The following EP400 variants were observed in gnomAD, a reference collection of about 807,000 sequenced individuals.
EP400 encodes E1A-binding protein p400.
A neutral mutation model predicts 354.1 loss-of-function variants in EP400; 105 were observed. The observed-to-expected ratio is 0.30, with a 90% CI of 0.25 to 0.35. The LOEUF (loss-of-function observed/expected upper bound fraction) is 0.35. Ranked by LOEUF, EP400 falls within the 10% of genes least tolerant of loss-of-function variation. The probability of loss-of-function intolerance (pLI) is 1.00; values close to 1 mark genes in which losing one functional copy is unlikely to be tolerated. For synonymous variants in EP400, 1,646 were observed against 1,716.9 expected (o/e 0.96, Z 1.02); for missense variants, 3,280 against 4,121.0 (o/e 0.80, Z 5.59).
chr12:132,063,777 T>C (rs1895788576), intron 47 of EP400, among the ~76,000 whole-genome samples: 1 of 152,114 alleles, frequency 6.6e-6, no homozygotes, highest in Non-Finnish European at 1.5e-5. Context: ...ATCCTGTTCC[T>C]GTCACACCAG....
Position 132,017,805 on chromosome 12 carries a change from T to A in EP400, c.4110+84T>A. 2.2e-6 allele frequency: 3 copies of A among 1,391,620 alleles called. No homozygotes were observed. The South Asian group carries it at 4.6e-5, about 21-fold the overall frequency. The allele number at this position is 1,391,620 out of a possible 1,614,324, so 86.2% of individuals were successfully genotyped here. On this transcript the variant is annotated intron_variant, in intron 20 of 52. Transcript: ENST00000389561. The surrounding 1 kb of genome is among the most constrained non-coding windows in gnomAD (Gnocchi z 5.0). The stretch of plus-strand genomic sequence containing the variant: ...AGATAAAACCATTCTTGGAAATGGG[T>A]TCTCAACCAGCTCTTCTGCAATTGC...
chr12:131,974,103 C>G (rs908344143), intron 2 of EP400, among the ~76,000 whole-genome samples: 6 of 151,766 alleles, frequency 4.0e-5, no homozygotes, highest in Middle Eastern at 3.2e-3. Context: ...CTCAGCCTCC[C>G]GAGTAGCTGG....
At chr12:132,005,990 T>A in intron 13 of EP400, 122 bp from the exon 14 acceptor site, 2 of 893,964 alleles carry the variant, frequency 2.2e-6, no homozygotes, top group Non-Finnish European at 3.3e-6. Context: ...AATAAAAAAT[T>A]ATTGCCTAAT....
chr12:132,042,740 T>C (rs1174955779), intron 32 of EP400, among the ~76,000 whole-genome samples: 1 of 152,238 alleles, frequency 6.6e-6, no homozygotes, highest in Non-Finnish European at 1.5e-5. Flanking sequence ...CCTAGCTGTT[T>C]CAGCAGATGA....
At position 132,064,747 on chromosome 12, in the gene EP400, C is replaced by T. The variant is rs200626129; in HGVS notation, c.8414C>T (p.Pro2805Leu). The T allele has an allele frequency of 1.7e-5, 27 of 1,613,748 alleles. No individual in the cohort carries two copies. The highest frequency in any genetic ancestry group is 4.0e-5 in the African/African-American group (3 of 74,964). The change falls in exon 48 of 53, where the codon CCG (proline) becomes CTG (leucine). Residue 2805 changes from proline to leucine, a missense_variant. Physicochemically the swap from Pro to Leu is moderately conservative, Grantham distance 98. Transcript: ENST00000389561. ...CCGCCACAGGCCCAGTCTGCGCCCC[C>T]GCAGCCAACAGCCCAAGTGCAAGTG... ...PPPPQAQSAP[P>L]QPTAQVQVQT...
intron 39 of EP400, among the ~76,000 whole-genome samples, chr12:132,047,970 G>A (rs10902487): frequency 2.6e-5 from 4 of 152,136 alleles, no homozygotes; most frequent in East Asian, 3.9e-4. Flanking sequence ...AATATTTCTC[G>A]CATTTGCTTT....
intron 30 of EP400, among the ~76,000 whole-genome samples, chr12:132,033,128 A>G (rs1894580566): frequency 6.7e-6 from 1 of 150,086 alleles, no homozygotes; most frequent in Non-Finnish European, 1.5e-5. Flanking sequence ...TTGTATTTTT[A>G]GTAGAAACGG....
chr12:132,043,212 C>T (rs1894973664), intron 32 of EP400, 92 bp from the exon 33 acceptor site: 31 of 1,326,822 alleles, frequency 2.3e-5, no homozygotes, highest in Non-Finnish European at 3.1e-5. Context: ...ATAGTGGAGG[C>T]ATCTCCATTA....
At chr12:131,970,399 T>G (rs1405056080) in intron 2 of EP400, among the ~76,000 whole-genome samples, 1 of 152,224 alleles carries the variant, frequency 6.6e-6, no homozygotes, top group Non-Finnish European at 1.5e-5. Context: ...TTGGAAACGT[T>G]TTGCATCATC....
chr12:131,963,629 A>G, intron 2 of EP400: 1 of 1,598,104 alleles, frequency 6.3e-7, no homozygotes, highest in Non-Finnish European at 8.5e-7. Context: ...TCATCCCAGC[A>G]GCAACCATTT....
At chr12:132,062,863 T>C (rs945610348) in intron 47 of EP400, among the ~76,000 whole-genome samples, 162 bp downstream of exon 47, 18 of 152,234 alleles carry the variant, frequency 1.2e-4, no homozygotes, top group African/African-American at 4.1e-4. Context: ...TGGTCTAAAA[T>C]TTCCCATGTC....
rs1295605095 is a variant in EP400 at position 132,023,308 on chromosome 12, T to TC, written c.4691-469_4691-468insC. Among the ~76,000 whole-genome samples, 3 of 138,650 alleles carry TC rather than the reference T, an allele frequency of 2.2e-5. No individual in the cohort carries two copies. The East Asian group carries it at 6.1e-4, about 28-fold the overall frequency. 91.0% of individuals were successfully genotyped at this position (138,650 alleles called of 152,430 possible). A position where few individuals can be genotyped will look rare whatever the true frequency, so the allele number is the denominator to read the frequency against. Reference sequence around the variant, plus strand: ...CCACCATGCCCAGCTAATTTTTTTTTTTTTTTTTTTTTTTTTTTTGCATTT... The same window carrying TC: ...CCACCATGCCCAGCTAATTTTTTTTTCTTTTTTTTTTTTTTTTTTTGCATTT... On this transcript the variant is annotated intron_variant, in intron 23 of 52. Transcript: ENST00000389561.
At chr12:131,984,193 C>T (rs764242844) in intron 5 of EP400, among the ~76,000 whole-genome samples, 1 of 152,092 alleles carries the variant, frequency 6.6e-6, no homozygotes, top group Non-Finnish European at 1.5e-5. Context: ...TCACCGCACC[C>T]GGCCTACAGG....
At chr12:131,978,751 G>A (rs1012588244) in intron 2 of EP400, among the ~76,000 whole-genome samples, 2 of 152,042 alleles carry the variant, frequency 1.3e-5, no homozygotes, top group Admixed American at 6.6e-5. Context: ...GACCTCAAGC[G>A]ATCCTCCCAC....
At chr12:132,045,587 C>T (rs537936120) in intron 38 of EP400, 27 bp downstream of exon 38, 96 of 1,609,738 alleles carry the variant, frequency 6.0e-5, no homozygotes, top group Non-Finnish European at 6.9e-5. Flanking sequence ...TTTGTGCCAG[C>T]GGTCATGTGC....
intron 30 of EP400, among the ~76,000 whole-genome samples, chr12:132,033,501 G>A (rs1201481498): frequency 2.6e-5 from 4 of 151,806 alleles, no homozygotes; most frequent in African/African-American, 7.3e-5. Context: ...CTCCTAGGTG[G>A]TAGCTGACCC....
In EP400 at chr12:131,990,390, C is replaced by T. The variant is rs183830981; in HGVS notation, c.2551-246C>T. 6.2e-4 allele frequency among the ~76,000 whole-genome samples: 95 copies of T among 152,294 alleles called. No individual in the cohort carries two copies. In the Middle Eastern group the frequency reaches 0.01, roughly 16 times the overall value. On this transcript the variant is annotated intron_variant, in intron 8 of 52. Transcript: ENST00000389561. This position sits in a 1 kb window ranked among gnomAD's most constrained non-coding sequence, Gnocchi z 4.2. ...TCAGGGTTAGCGTGAGTCACCACCA[C>T]GGTTACTTCTAGAGCGGTCGCTCGC...
rs772609851 is a variant in EP400, at chr12:132,005,128, C to T, written c.2879C>T (p.Pro960Leu). ...LMKLYEGAFL[P>L]SSQWPRPKPD... ...AAGCTGTACGAAGGCGCCTTCCTGC[C>T]GAGTTCTCAGTGGCCCCGGCCGAAG... The change falls in exon 13 of 53, where the codon CCG becomes CTG. Residue 960 changes from proline to leucine, a missense_variant. Pro to Leu is a moderately conservative substitution (Grantham distance 98). Transcript: ENST00000389561. 4.4e-6 allele frequency: 7 copies of T among 1,590,568 alleles called. No homozygotes were observed. Among genetic ancestry groups the T allele is most frequent in the African/African-American group, 2.7e-5 (2 of 74,624 alleles).
chr12:132,024,803 C>T (rs979723818), intron 24 of EP400, among the ~76,000 whole-genome samples: 18 of 151,716 alleles, frequency 1.2e-4, no homozygotes, highest in Non-Finnish European at 7.4e-5. Context: ...GCTGCCTCCC[C>T]GCCACCCCCC....
Sources: gnomAD v4.1 joint callset for allele counts (sites outside exome capture counted in the v4.1 genomes callset) on GRCh38, gnomAD v4.1.1 for gene constraint, Gnocchi (gnomAD v3.1) non-coding constraint, MANE v1.5 for transcripts, NCBI Gene and HGNC (gene_info 2026-07-23, HGNC 2026-07-21) for gene names.